Variants in SLC25A26 observed in about 807,000 individuals in gnomAD.
SLC25A26 encodes solute carrier family 25 member 26.
SLC25A26 carries 36 observed loss-of-function variants against 37.8 expected under a neutral mutation model. That is an observed-to-expected ratio of 0.95 (90% CI 0.73 to 1.26). The LOEUF (loss-of-function observed/expected upper bound fraction) is 1.26, where lower values mean the gene tolerates loss of function less well. Among genes scored for constraint, SLC25A26 ranks in the 50% most tolerant of loss-of-function variants. The pLI is 0.00. For missense variants in SLC25A26, 390 were observed against 331.1 expected (o/e 1.18, Z -1.38); for synonymous variants, 129 against 122.5 (o/e 1.05, Z -0.35).
chr3:66,142,969 G>T (rs2070057824), intron 1 of SLC25A26, among the ~76,000 whole-genome samples: 1 of 152,006 alleles, frequency 6.6e-6, no homozygotes. Context: ...ATCTCACTAT[G>T]TTGACCAGGC....
chr3:66,341,952 G>A (rs545367375), intron 5 of SLC25A26, among the ~76,000 whole-genome samples: 1 of 152,118 alleles, frequency 6.6e-6, no homozygotes, highest in South Asian at 2.1e-4. Context: ...ATCACTATGG[G>A]ACAAGGAATT....
At chr3:66,301,218 T>A (rs1458192013) in intron 5 of SLC25A26, among the ~76,000 whole-genome samples, 1 of 152,208 alleles carries the variant, frequency 6.6e-6, no homozygotes, top group Non-Finnish European at 1.5e-5. Flanking sequence ...ATTATAGCAA[T>A]TTCTCTTGTT....
intron 1 of SLC25A26, among the ~76,000 whole-genome samples, chr3:66,168,200 T>TATACACACAC (rs1553649663): frequency 2.6e-5 from 3 of 115,492 alleles, no homozygotes; most frequent in African/African-American, 9.9e-5. Flanking sequence ...TATATATATA[T>TATACACACAC]ACACACACAC....
intron 1 of SLC25A26, among the ~76,000 whole-genome samples, chr3:66,159,703 C>T (rs774706438): frequency 3.9e-5 from 6 of 152,150 alleles, no homozygotes; most frequent in Admixed American, 3.9e-4. Flanking sequence ...GGCATGTACT[C>T]GAAAAGCCTG....
At chr3:66,248,221 A>G (rs1203770961) in intron 3 of SLC25A26, among the ~76,000 whole-genome samples, 2 of 152,252 alleles carry the variant, frequency 1.3e-5, no homozygotes, top group South Asian at 2.1e-4. Context: ...CAGTGAAACT[A>G]TAATTACAAC....
chr3:66,163,676 G>A (rs1034814638), intron 1 of SLC25A26, among the ~76,000 whole-genome samples: 7 of 152,208 alleles, frequency 4.6e-5, no homozygotes, highest in Admixed American at 2.6e-4. Context: ...TACAGTGCCC[G>A]CCTCCTCTTC....
At chr3:66,284,315 C>T (rs2074439378) in intron 5 of SLC25A26, among the ~76,000 whole-genome samples, 1 of 152,214 alleles carries the variant, frequency 6.6e-6, no homozygotes, top group Non-Finnish European at 1.5e-5. Flanking sequence ...TGCCACTGTA[C>T]TCCAGTCTGG....
intron 5 of SLC25A26, among the ~76,000 whole-genome samples, chr3:66,290,712 T>C (rs892360640): frequency 2.0e-5 from 3 of 152,234 alleles, no homozygotes; most frequent in Non-Finnish European, 4.4e-5. Context: ...TGGATTCGGT[T>C]TGCCAGTATA....
At chr3:66,344,453 ACT>A (rs1461449558) in intron 5 of SLC25A26, among the ~76,000 whole-genome samples, 1 of 151,166 alleles carries the variant, frequency 6.6e-6, no homozygotes, top group Non-Finnish European at 1.5e-5. Flanking sequence ...ACAAAGCAAG[ACT>A]CTGTCTCAAA....
rs372475365 is a variant in SLC25A26, at chr3:66,348,840, C to G, written c.498+2432C>G. ...TGTGGTGCGTGGTGAAAATAGAGTT[C>G]TCTGGCAGTGTTTCAGGGCATGATG... On this transcript the variant is annotated intron_variant, in intron 6 of 9. Coordinates refer to ENST00000354883, the MANE Select transcript of SLC25A26 (RefSeq NM_001379210.1). Among the ~76,000 whole-genome samples the G allele has an allele frequency of 2.0e-5, 3 of 152,184 alleles. No homozygotes were observed. In the East Asian group the frequency reaches 5.8e-4, roughly 29 times the overall value.
chr3:66,239,171 T>C (rs1020340797), intron 2 of SLC25A26, among the ~76,000 whole-genome samples: 13 of 152,162 alleles, frequency 8.5e-5, no homozygotes, highest in Non-Finnish European at 1.5e-4. Flanking sequence ...GAAGCACTCA[T>C]CTCCACCAAG....
At chr3:66,361,059 G>C (rs774527771) in intron 6 of SLC25A26, among the ~76,000 whole-genome samples, 1 of 152,164 alleles carries the variant, frequency 6.6e-6, no homozygotes, top group Non-Finnish European at 1.5e-5. Context: ...CTATAGATGA[G>C]AACATAATAG....
At chr3:66,343,107 T>C (rs78645144) in intron 5 of SLC25A26, among the ~76,000 whole-genome samples, 2 of 152,222 alleles carry the variant, frequency 1.3e-5, no homozygotes, top group Non-Finnish European at 2.9e-5. Flanking sequence ...ATCACTGTTA[T>C]GTAACTTCAA....
intron 3 of SLC25A26, among the ~76,000 whole-genome samples, chr3:66,259,867 C>T (rs1177209213): frequency 6.6e-6 from 1 of 152,158 alleles, no homozygotes; most frequent in Non-Finnish European, 1.5e-5. Context: ...GCATGGTATA[C>T]AGGGCCTTGT....
chr3:66,374,262 C>T (rs1339570122), intron 9 of SLC25A26, among the ~76,000 whole-genome samples: 1 of 152,220 alleles, frequency 6.6e-6, no homozygotes, highest in Non-Finnish European at 1.5e-5. Flanking sequence ...TCCAATAGCA[C>T]ATGATGACTT....
At chr3:66,335,228 A>G (rs1157106725) in intron 5 of SLC25A26, among the ~76,000 whole-genome samples, 1 of 152,194 alleles carries the variant, frequency 6.6e-6, no homozygotes, top group African/African-American at 2.4e-5. Flanking sequence ...AAAGCAGATT[A>G]TTTGTAGATC....
chr3:66,178,105 C>A (rs1352937496), intron 1 of SLC25A26, among the ~76,000 whole-genome samples: 2 of 152,132 alleles, frequency 1.3e-5, no homozygotes, highest in Non-Finnish European at 2.9e-5. Context: ...GGAAGCAGGG[C>A]AGCACTACTC....
intron 1 of SLC25A26, among the ~76,000 whole-genome samples, chr3:66,160,168 A>C (rs2070337753): frequency 6.6e-6 from 1 of 151,870 alleles, no homozygotes; most frequent in African/African-American, 2.4e-5. Context: ...ACACCTGGTT[A>C]ATTTTTTAAT....
intron 1 of SLC25A26, among the ~76,000 whole-genome samples, chr3:66,164,602 G>A (rs1467369794): frequency 6.6e-6 from 1 of 152,066 alleles, no homozygotes; most frequent in Non-Finnish European, 1.5e-5. Flanking sequence ...CTTGGACTAG[G>A]GATCAGCAAA....
Sources: gnomAD v4.1 joint callset for allele counts (sites outside exome capture counted in the v4.1 genomes callset) on GRCh38, gnomAD v4.1.1 for gene constraint, MANE v1.5 for transcripts, NCBI Gene and HGNC (gene_info 2026-07-23, HGNC 2026-07-21) for gene names.